DLEC1: variants seen among roughly 807,000 people sequenced by gnomAD.
The protein encoded by DLEC1 is deleted in lung and esophageal cancer protein 1.
DLEC1 carries 146 observed loss-of-function variants against 198.1 expected under a neutral mutation model. The observed-to-expected ratio is 0.74, with a 90% confidence interval of 0.64 to 0.85. DLEC1 has a LOEUF of 0.85. Ranked by LOEUF, DLEC1 falls within the 40% of genes least tolerant of loss-of-function variation. The pLI is 0.00. For missense variants in DLEC1, 2,233 were observed against 2,220.0 expected (o/e 1.01, Z -0.12); for synonymous variants, 897 against 866.8 (o/e 1.03, Z -0.61).
intron 13 of DLEC1, chr3:38,095,329 C>A: frequency 1.9e-6 from 1 of 517,480 alleles, no homozygotes; most frequent in Non-Finnish European, 3.5e-6. Flanking sequence ...TGGGTGTCTC[C>A]CACATGTCTA....
intron 6 of DLEC1, 31 bp downstream of exon 6, chr3:38,063,950 C>T: frequency 1.4e-6 from 2 of 1,431,208 alleles, no homozygotes; most frequent in Non-Finnish European, 1.9e-6. Context: ...CAGCTCCCAC[C>T]CCATCTGCTT....
At position 38,084,253 on chromosome 3, in the gene DLEC1, C is replaced by T; in HGVS notation, c.1261+8C>T. On this transcript the variant is annotated splice_region_variant and intron_variant, in intron 7 of 36. Coordinates refer to ENST00000308059, the MANE Select transcript of DLEC1 (RefSeq NM_007335.4). Reference sequence around the variant, plus strand: ...ACTTCGCTCTGGGACTGGGTAAGTTCAGTATTTGTAAGTTCATTAGTAGTA... The same window carrying T: ...ACTTCGCTCTGGGACTGGGTAAGTTTAGTATTTGTAAGTTCATTAGTAGTA... 1.9e-6 allele frequency: 3 copies of T among 1,609,530 alleles called. No homozygotes were observed. The highest frequency in any genetic ancestry group is 2.5e-6 in the Non-Finnish European group (3 of 1,177,060).
chr3:38,048,083 C>G (rs1292308372), intron 2 of DLEC1, among the ~76,000 whole-genome samples: 3 of 152,198 alleles, frequency 2.0e-5, no homozygotes, highest in Admixed American at 6.5e-5. Context: ...CCTTTTGGTG[C>G]TCAAATTGTT....
chr3:38,063,087 A>T (rs1696784012), intron 5 of DLEC1, among the ~76,000 whole-genome samples: 3 of 152,198 alleles, frequency 2.0e-5, no homozygotes, highest in Admixed American at 1.3e-4. Context: ...CAATCCCGTT[A>T]GAGACATAGG....
intron 2 of DLEC1, among the ~76,000 whole-genome samples, chr3:38,053,217 C>T (rs1701219549): frequency 6.6e-6 from 1 of 152,236 alleles, no homozygotes; most frequent in Non-Finnish European, 1.5e-5. Context: ...GCCACCCCAT[C>T]TGGGAAGTGA....
chr3:38,098,424 A>G (rs966343954), intron 18 of DLEC1, among the ~76,000 whole-genome samples: 1 of 152,232 alleles, frequency 6.6e-6, no homozygotes, highest in African/African-American at 2.4e-5. Context: ...GCAGCTAAGT[A>G]TTATCATAAT....
At chr3:38,079,146 GCC>G (rs1559423428) in intron 6 of DLEC1, among the ~76,000 whole-genome samples, 3 of 151,804 alleles carry the variant, frequency 2.0e-5, no homozygotes, top group African/African-American at 4.8e-5. Context: ...CAAGAGGAGG[GCC>G]CAAAGGAGGC....
At chr3:38,065,243 C>A (rs1696956396) in intron 6 of DLEC1, among the ~76,000 whole-genome samples, 1 of 152,216 alleles carries the variant, frequency 6.6e-6, no homozygotes, top group African/African-American at 2.4e-5. Flanking sequence ...CAGGCTGAGG[C>A]AGGAGAATCA....
intron 5 of DLEC1, 87 bp from the exon 6 acceptor site, chr3:38,063,754 T>C: frequency 1.0e-6 from 1 of 995,480 alleles, no homozygotes; most frequent in Non-Finnish European, 1.6e-6. Context: ...TTTATGTATT[T>C]ATTTTTACAT....
At chr3:38,058,445 G>A (rs74677826) in intron 2 of DLEC1, among the ~76,000 whole-genome samples, 270 of 152,242 alleles carry the variant, frequency 1.8e-3, no homozygotes, top group East Asian at 0.012. Flanking sequence ...CTAGGCGGCT[G>A]TCTTGTTTAC....
At position 38,045,531 on chromosome 3, in the gene DLEC1, T is replaced by TC; in HGVS notation, c.412-7dup. On this transcript the variant is annotated splice_polypyrimidine_tract_variant and intron_variant, in intron 1 of 36. Coordinates refer to ENST00000308059, the MANE Select transcript of DLEC1 (RefSeq NM_007335.4). ...CACCATATTTCTGTGCATTTGATCA[T>TC]CCCCCTGCCAGATTCGGGAGCTCTA... The TC allele has an allele frequency of 6.2e-7, 1 of 1,610,368 alleles. No homozygotes were observed. The highest frequency in any genetic ancestry group is 8.5e-7 in the Non-Finnish European group (1 of 1,178,434).
Position 38,116,798 on chromosome 3 carries a change from A to G in DLEC1, c.4088A>G (p.Asn1363Ser), listed in dbSNP as rs371732011. 72 of 1,613,406 alleles carry G rather than the reference A, an allele frequency of 4.5e-5. No homozygotes were observed. The highest frequency in any genetic ancestry group is 2.0e-4 in the Admixed American group (12 of 59,930). ...SSVEGSSSASNRVAQKLISVI... is the reference protein window; with the variant it reads ...SSVEGSSSASSRVAQKLISVI... The stretch of plus-strand genomic sequence containing the variant: ...GTTGAGGGCAGCTCCAGTGCCAGCA[A>G]TAGGGTGGCACAGAAGCTCATCTCA... Residue 1363 changes from asparagine to serine, a missense_variant, in exon 29 of 37, where the codon AAT (asparagine) becomes AGT (serine). Asn to Ser is a conservative substitution (Grantham distance 46). Transcript: ENST00000308059.
At chr3:38,118,792 ACT>A (rs1200579980) in intron 33 of DLEC1, among the ~76,000 whole-genome samples, 1 of 151,254 alleles carries the variant, frequency 6.6e-6, no homozygotes, top group Non-Finnish European at 1.5e-5. Flanking sequence ...TCCTAGCCTC[ACT>A]CTGCACATTT....
At chr3:38,121,112 C>CG (rs1463212118) in intron 34 of DLEC1, among the ~76,000 whole-genome samples, 3 of 152,226 alleles carry the variant, frequency 2.0e-5, no homozygotes, top group African/African-American at 7.2e-5. Context: ...CTAGAGAGGC[C>CG]GGGGGCAGGA....
chr3:38,112,411 G>A lies in DLEC1; in HGVS notation c.3666+50G>A, dbSNP rs186701685. 8.8e-4 allele frequency: 1,402 copies of A among 1,600,076 alleles called. 18 individuals carry two copies. Among genetic ancestry groups the A allele is most frequent in the Non-Finnish European group, 9.7e-5 (114 of 1,169,428 alleles). ...GCCTGGGGGGTGGAGAGTCTGCCCA[G>A]CCCTCGCCTTCAGCCTCTCTCCCCT... On this transcript the variant is annotated intron_variant, in intron 25 of 36. Coordinates refer to ENST00000308059, the MANE Select transcript of DLEC1 (RefSeq NM_007335.4). The surrounding 1 kb of genome is among the most constrained non-coding windows in gnomAD (Gnocchi z 4.8).
At position 38,111,701 on chromosome 3, in the gene DLEC1, A is replaced by C; in HGVS notation, c.3468A>C (p.Leu1156=). The C allele has an allele frequency of 6.2e-7, 1 of 1,613,424 alleles. No individual in the cohort carries two copies. The highest frequency in any genetic ancestry group is 8.5e-7 in the Non-Finnish European group (1 of 1,179,750). Residue 1156 remains leucine, a synonymous_variant, in exon 24 of 37, where the codon CTA becomes CTC. Coordinates refer to ENST00000308059, the MANE Select transcript of DLEC1 (RefSeq NM_007335.4). ...TSLPNMPPAL[L]KTVRMQEHLA... ...GTCCCAACATGCCTCCTGCCCTGCT[A>C]AAGACAGTGCGGATGCAAGAGCACC...
chr3:38,048,725 C>T (rs1477573071), intron 2 of DLEC1, among the ~76,000 whole-genome samples: 1 of 152,184 alleles, frequency 6.6e-6, no homozygotes, highest in Non-Finnish European at 1.5e-5. Context: ...GCCATGGTGT[C>T]TCAGGAGTGT....
chr3:38,100,471 C>T (rs761655765), intron 19 of DLEC1, 46 bp downstream of exon 19: 19 of 1,553,742 alleles, frequency 1.2e-5, no homozygotes, highest in Middle Eastern at 3.5e-4. Flanking sequence ...TATGCATATT[C>T]GTGATGTATT....
At chr3:38,109,857 C>A in intron 22 of DLEC1, 1 of 677,970 alleles carries the variant, frequency 1.5e-6, no homozygotes, top group Non-Finnish European at 2.4e-6. Context: ...TGAGGCCCAG[C>A]AACTGGGAGC....
Sources: allele counts gnomAD v4.1 joint callset (sites outside exome capture counted in the v4.1 genomes callset), GRCh38; gene constraint gnomAD v4.1.1; non-coding constraint Gnocchi (gnomAD v3.1); transcripts MANE v1.5; gene names NCBI Gene and HGNC (gene_info 2026-07-23, HGNC 2026-07-21).